EML4: variants seen among roughly 807,000 people sequenced by gnomAD.
EML4 encodes echinoderm microtubule-associated protein-like 4.
EML4 carries 72 observed loss-of-function variants against 129.0 expected under a neutral mutation model. The observed-to-expected ratio is 0.56, with a 90% confidence interval of 0.46 to 0.68. The LOEUF (loss-of-function observed/expected upper bound fraction) is 0.68, where lower values mean the gene tolerates loss of function less well. Among genes scored for constraint, EML4 ranks in the 30% least tolerant of loss-of-function variants. The pLI is 0.00. For missense variants in EML4, 1,363 were observed against 1,190.6 expected (o/e 1.14, Z -2.13); for synonymous variants, 532 against 405.0 (o/e 1.31, Z -3.77).
chr2:42,241,743 T>G (rs888193789), intron 1 of EML4, among the ~76,000 whole-genome samples: 1 of 152,158 alleles, frequency 6.6e-6, no homozygotes, highest in African/African-American at 2.4e-5. Flanking sequence ...AAAAGGCACA[T>G]AAGGTGAGAG....
intron 1 of EML4, among the ~76,000 whole-genome samples, chr2:42,242,647 C>T (rs561152824): frequency 2.6e-5 from 4 of 151,916 alleles, no homozygotes; most frequent in East Asian, 1.9e-4. Context: ...AACTCACTTC[C>T]TTCCTCCCTC....
intron 20 of EML4, 104 bp downstream of exon 20, chr2:42,325,658 G>T: frequency 4.7e-6 from 1 of 211,586 alleles, no homozygotes; most frequent in Non-Finnish European, 8.6e-6. Context: ...GTGTCTGTCA[G>T]GGGCGCTAAT....
intron 19 of EML4, among the ~76,000 whole-genome samples, chr2:42,320,801 C>A (rs1162858694): frequency 6.6e-6 from 1 of 151,916 alleles, no homozygotes; most frequent in Non-Finnish European, 1.5e-5. Context: ...TCCTGTGTAC[C>A]TTTTAACACT....
intron 9 of EML4, 94 bp downstream of exon 9, chr2:42,284,797 C>A: frequency 4.3e-6 from 4 of 924,586 alleles, no homozygotes; most frequent in Non-Finnish European, 4.7e-6. Context: ...TTGTTTTATT[C>A]TTTTAAAATT....
At chr2:42,285,936 T>C (rs554575262) in intron 9 of EML4, 4 of 279,286 alleles carry the variant, frequency 1.4e-5, no homozygotes, top group African/African-American at 8.7e-5. Flanking sequence ...TTTGGGCAAG[T>C]TATTTAAATC....
chr2:42,264,018 C>T (rs1170800465), intron 5 of EML4, among the ~76,000 whole-genome samples: 1 of 151,792 alleles, frequency 6.6e-6, no homozygotes, highest in South Asian at 2.1e-4. Context: ...CGTGAGCCAC[C>T]GTGCCAGCCT....
intron 1 of EML4, among the ~76,000 whole-genome samples, chr2:42,183,688 C>T (rs1482744875): frequency 6.6e-6 from 1 of 151,810 alleles, no homozygotes; most frequent in East Asian, 1.9e-4. Flanking sequence ...ACTGTGTATA[C>T]AAGTATAAAT....
rs760890804 is a variant in EML4 at position 42,325,603 on chromosome 2, TA to T, written c.2242+50del. The T allele has an allele frequency of 5.3e-3, 112 of 21,326 alleles. 4 individuals are homozygous for T. Among genetic ancestry groups the T allele is most frequent in the African/African-American group, 0.045 (77 of 1,702 alleles). 1.3% of individuals were successfully genotyped at this position (21,326 alleles called of 1,614,324 possible). On this transcript the variant is annotated intron_variant, in intron 20 of 22. Coordinates refer to ENST00000318522, the MANE Select transcript of EML4 (RefSeq NM_019063.5). ...TATATATATATGCTATGATTATATT[TA>T]TATATATATATATATATATATATAT...
At chr2:42,181,367 C>T (rs781633492) in intron 1 of EML4, among the ~76,000 whole-genome samples, 21 of 152,114 alleles carry the variant, frequency 1.4e-4, no homozygotes, top group Admixed American at 5.2e-4. Context: ...GGTGCGATCA[C>T]GGCTCACCGC....
rs767192594 is a variant in EML4 at position 42,286,346 on chromosome 2, G to A, written c.1089G>A (p.Glu363=). 1 of 1,613,402 alleles carries A rather than the reference G, an allele frequency of 6.2e-7. No individual in the cohort carries two copies. Among genetic ancestry groups the A allele is most frequent in the Non-Finnish European group, 8.5e-7 (1 of 1,179,334 alleles). The change falls in exon 10 of 23, where the codon GAG becomes GAA. Residue 363 remains glutamate, a synonymous_variant. Coordinates refer to ENST00000318522, the MANE Select transcript of EML4 (RefSeq NM_019063.5). The part of the protein sequence containing the change: ...TLQIIGLGTF[E]RGVGCLDFSK... ...AGATTATTGGACTTGGCACTTTTGA[G>A]CGTGGAGTAGGATGCCTGGATTTTT... is the stretch of plus-strand genomic sequence containing the variant.
chr2:42,282,061 T>G (rs1667042367), intron 7 of EML4, among the ~76,000 whole-genome samples: 1 of 152,212 alleles, frequency 6.6e-6, no homozygotes, highest in Non-Finnish European at 1.5e-5. Flanking sequence ...CAGATAGGCC[T>G]TCTTTTGGTC....
At position 42,195,487 on chromosome 2, in the gene EML4, G is replaced by T. The variant is rs1177664471; in HGVS notation, c.25+25851G>T. 2.6e-5 allele frequency among the ~76,000 whole-genome samples: 4 copies of T among 151,934 alleles called. No homozygotes were observed. The South Asian group carries it at 8.3e-4, about 32-fold the overall frequency. On this transcript the variant is annotated intron_variant, in intron 1 of 22. Transcript: ENST00000318522. ...ATGTAGATCTGACACTGTGAAATCC[G>T]TTTGTTAGGTTTTGTGGGTAAATAA...
intron 6 of EML4, among the ~76,000 whole-genome samples, chr2:42,265,506 C>T (rs1558556255): frequency 6.6e-6 from 1 of 152,168 alleles, no homozygotes; most frequent in Admixed American, 6.5e-5. Context: ...CCCCAAAATG[C>T]TGGGATTATA....
intron 1 of EML4, among the ~76,000 whole-genome samples, chr2:42,223,778 TA>T (rs1673773785): frequency 1.3e-5 from 2 of 152,134 alleles, no homozygotes; most frequent in South Asian, 4.1e-4. Context: ...TAAATATGCA[TA>T]ATAGTCTCTT....
chr2:42,262,942 A>C (rs1264748190), intron 4 of EML4, among the ~76,000 whole-genome samples: 1 of 152,210 alleles, frequency 6.6e-6, no homozygotes, highest in Non-Finnish European at 1.5e-5. Flanking sequence ...TTTAAAAAAA[A>C]TCAGGTAATA....
At chr2:42,278,389 C>A (rs1014969151) in intron 6 of EML4, among the ~76,000 whole-genome samples, 1 of 151,876 alleles carries the variant, frequency 6.6e-6, no homozygotes, top group African/African-American at 2.4e-5. Flanking sequence ...ATCTGGCCAA[C>A]GTGGTGAAAC....
chr2:42,192,666 A>G (rs1002093096), intron 1 of EML4, among the ~76,000 whole-genome samples: 2 of 152,180 alleles, frequency 1.3e-5, no homozygotes, highest in African/African-American at 4.8e-5. Flanking sequence ...TAGATGAGAA[A>G]TAGGTGAGCA....
At chr2:42,216,452 A>G (rs1181646216) in intron 1 of EML4, among the ~76,000 whole-genome samples, 1 of 151,230 alleles carries the variant, frequency 6.6e-6, no homozygotes, top group Non-Finnish European at 1.5e-5. Flanking sequence ...CATCTTGGCC[A>G]GGCTGGTCTT....
chr2:42,180,036 G>A (rs1247700720), intron 1 of EML4, among the ~76,000 whole-genome samples: 1 of 152,144 alleles, frequency 6.6e-6, no homozygotes, highest in Non-Finnish European at 1.5e-5. Context: ...AAAGCTATGT[G>A]GATATTCTTG....
Sources: gnomAD v4.1 joint callset for allele counts (sites outside exome capture counted in the v4.1 genomes callset) on GRCh38, gnomAD v4.1.1 for gene constraint, MANE v1.5 for transcripts, NCBI Gene and HGNC (gene_info 2026-07-23, HGNC 2026-07-21) for gene names.